The following YTHDC1 variants were observed in gnomAD, a reference collection of about 807,000 sequenced individuals.
YTHDC1 encodes YTH N6-methyladenosine RNA binding protein C1.
In YTHDC1, 12 loss-of-function variants were observed where a neutral mutation model predicts 107.0. The ratio of observed to expected loss-of-function variants is 0.11; its 90% CI spans 0.07 to 0.18. The LOEUF (loss-of-function observed/expected upper bound fraction) is 0.18, where lower values mean the gene tolerates loss of function less well. YTHDC1 is among the 10% of genes least tolerant of loss of function. The pLI is 1.00. For synonymous variants in YTHDC1, 280 were observed against 289.5 expected (o/e 0.97, Z 0.33); for missense variants, 635 against 898.8 (o/e 0.71, Z 3.75).
intron 9 of YTHDC1, 87 bp downstream of exon 9, chr4:68,329,915 T>A: frequency 1.0e-6 from 1 of 969,854 alleles, no homozygotes; most frequent in Non-Finnish European, 1.6e-6. Context: ...AAGATAAGTA[T>A]ACAGTGACTT....
chr4:68,316,186 A>C, intron 16 of YTHDC1, 128 bp downstream of exon 16: 1 of 1,051,068 alleles, frequency 9.5e-7, no homozygotes, highest in South Asian at 2.0e-5. Flanking sequence ...ACAAACAATT[A>C]TTCCAAAACA....
At chr4:68,318,211 C>T (rs1722073642) in intron 15 of YTHDC1, among the ~76,000 whole-genome samples, 1 of 152,228 alleles carries the variant, frequency 6.6e-6, no homozygotes, top group Admixed American at 6.5e-5. Context: ...AATTCTCCTG[C>T]CTCAGCCTCC....
Position 68,318,811 on chromosome 4 carries a change from G to GT in YTHDC1, c.1721+14dup. On this transcript the variant is annotated intron_variant, in intron 13 of 16. Coordinates refer to ENST00000344157, the MANE Select transcript of YTHDC1 (RefSeq NM_001031732.4). ...GAATGTAATTCAAAACTAGGCAAGA[G>GT]TGAACCCGACTTACCTGTCCACTTC... 1 of 1,614,132 alleles carries GT rather than the reference G, an allele frequency of 6.2e-7. No individual in the cohort carries two copies. The highest frequency in any genetic ancestry group is 2.2e-5 in the East Asian group (1 of 44,868).
rs559241252 is a variant in YTHDC1 at position 68,323,888 on chromosome 4, G to A, written c.1434+251C>T. Among the ~76,000 whole-genome samples the A allele has an allele frequency of 7.6e-4, 115 of 152,192 alleles. 2 individuals are homozygous for A. The South Asian group carries it at 0.021, about 27-fold the overall frequency. On this transcript the variant is annotated intron_variant, in intron 10 of 16. Coordinates refer to ENST00000344157, the MANE Select transcript of YTHDC1 (RefSeq NM_001031732.4). Reference sequence around the variant, plus strand: ...TATAGTCAAAACAAATTTAAATCTGGCAAATTCTCTTTAGAAATATTTCCT... The same window carrying A: ...TATAGTCAAAACAAATTTAAATCTGACAAATTCTCTTTAGAAATATTTCCT...
At chr4:68,315,466 A>AC (rs1560469043) in intron 16 of YTHDC1, among the ~76,000 whole-genome samples, 1 of 152,198 alleles carries the variant, frequency 6.6e-6, no homozygotes. Flanking sequence ...AGACTCATCA[A>AC]CCTAAGTAGG....
chr4:68,338,969 AT>A (rs1320048680), intron 1 of YTHDC1, among the ~76,000 whole-genome samples: 1 of 152,236 alleles, frequency 6.6e-6, no homozygotes, highest in Non-Finnish European at 1.5e-5. Flanking sequence ...GAATGTCTCT[AT>A]TTTTACCTCA....
intron 9 of YTHDC1, 33 bp downstream of exon 9, chr4:68,329,969 T>C (rs2109710320): frequency 6.0e-6 from 9 of 1,510,082 alleles, no homozygotes; most frequent in Non-Finnish European, 8.3e-6. Flanking sequence ...GTATTCAAAA[T>C]TTCAGTTATC....
intron 12 of YTHDC1, 52 bp from the exon 13 acceptor site, chr4:68,318,914 G>A (rs1016617999): frequency 6.3e-7 from 1 of 1,587,052 alleles, no homozygotes; most frequent in African/African-American, 1.3e-5. Context: ...TTTCTTTTAT[G>A]GCATTATAAT....
intron 6 of YTHDC1, among the ~76,000 whole-genome samples, chr4:68,332,539 A>G (rs1449181028): frequency 6.6e-6 from 1 of 151,678 alleles, no homozygotes; most frequent in Non-Finnish European, 1.5e-5. Flanking sequence ...ATCTATATAT[A>G]ACACATACAC....
Position 68,335,101 on chromosome 4 carries a change from A to G in YTHDC1, c.884-1704T>C, listed in dbSNP as rs1410079532. 3.3e-5 allele frequency among the ~76,000 whole-genome samples: 5 copies of G among 152,182 alleles called. No individual in the cohort carries two copies. In the East Asian group the frequency reaches 9.6e-4, roughly 29 times the overall value. ...AAGAACAATGAAAATCATCTAATAAATAAACTGTTATCAATCAGTCTGTTG... is the reference window on the plus strand; with the variant it reads ...AAGAACAATGAAAATCATCTAATAAGTAAACTGTTATCAATCAGTCTGTTG... On this transcript the variant is annotated intron_variant, in intron 4 of 16. Transcript: ENST00000344157.
At chr4:68,317,766 G>C (rs1235605417) in intron 15 of YTHDC1, among the ~76,000 whole-genome samples, 1 of 152,192 alleles carries the variant, frequency 6.6e-6, no homozygotes, top group African/African-American at 2.4e-5. Context: ...TACCAGGACA[G>C]TCATGATGTC....
At chr4:68,343,898 G>C (rs758679724) in intron 1 of YTHDC1, among the ~76,000 whole-genome samples, 22 of 152,056 alleles carry the variant, frequency 1.4e-4, no homozygotes, top group Non-Finnish European at 2.9e-4. Context: ...TTTACATTTA[G>C]AGCTAAAATT....
intron 1 of YTHDC1, among the ~76,000 whole-genome samples, chr4:68,346,436 T>C (rs1725451761): frequency 6.6e-6 from 1 of 152,152 alleles, no homozygotes; most frequent in Non-Finnish European, 1.5e-5. Flanking sequence ...TCCAAGGTTT[T>C]GCTTTTGAGG....
intron 11 of YTHDC1, among the ~76,000 whole-genome samples, chr4:68,320,686 T>C (rs1722352228): frequency 6.6e-6 from 1 of 152,110 alleles, no homozygotes; most frequent in Admixed American, 6.5e-5. Context: ...CTAAACAAAA[T>C]TAAGAATTTA....
intron 11 of YTHDC1, among the ~76,000 whole-genome samples, chr4:68,320,843 T>C (rs967353190): frequency 2.8e-4 from 42 of 152,212 alleles, no homozygotes; most frequent in Admixed American, 1.3e-4. Flanking sequence ...ATTTAGTTTT[T>C]CTTTCTACAT....
chr4:68,323,211 G>C (rs1482099923), intron 10 of YTHDC1, among the ~76,000 whole-genome samples: 1 of 151,874 alleles, frequency 6.6e-6, no homozygotes, highest in African/African-American at 2.4e-5. Flanking sequence ...GTGCAAAATA[G>C]AAAAATATCA....
At chr4:68,343,027 C>A (rs1011596087) in intron 1 of YTHDC1, among the ~76,000 whole-genome samples, 4 of 151,954 alleles carry the variant, frequency 2.6e-5, no homozygotes, top group African/African-American at 9.7e-5. Flanking sequence ...GTATCCCAAC[C>A]CAAGAATAAC....
At chr4:68,334,497 G>A (rs1723936284) in intron 4 of YTHDC1, among the ~76,000 whole-genome samples, 1 of 152,116 alleles carries the variant, frequency 6.6e-6, no homozygotes, top group African/African-American at 2.4e-5. Context: ...CTCAAGGGCA[G>A]GTCCTCTGGC....
intron 1 of YTHDC1, among the ~76,000 whole-genome samples, chr4:68,342,749 G>A (rs1032089089): frequency 3.9e-5 from 6 of 151,992 alleles, no homozygotes; most frequent in Non-Finnish European, 8.8e-5. Context: ...TTTTTTTAAC[G>A]TAGAATGAAT....
Sources: gnomAD v4.1 joint callset for allele counts (sites outside exome capture counted in the v4.1 genomes callset) on GRCh38, gnomAD v4.1.1 for gene constraint, MANE v1.5 for transcripts, NCBI Gene and HGNC (gene_info 2026-07-23, HGNC 2026-07-21) for gene names.